MED26: variants seen among roughly 807,000 people sequenced by gnomAD.
MED26 encodes the protein mediator complex subunit 26, also known as mediator of RNA polymerase II transcription subunit 26.
Under a neutral mutation model 43.7 loss-of-function variants are expected in MED26, and 7 were observed. The ratio of observed to expected loss-of-function variants is 0.16; its 90% confidence interval spans 0.09 to 0.30. MED26 has a LOEUF of 0.30. MED26 is among the 10% of genes least tolerant of loss of function. MED26 has a pLI of 1.00. For missense variants in MED26, 784 were observed against 840.6 expected (o/e 0.93, Z 0.83); for synonymous variants, 375 against 371.1 (o/e 1.01, Z -0.12).
chr19:16,608,696 C>G (rs1336410154), intron 1 of MED26, among the ~76,000 whole-genome samples: 1 of 152,310 alleles, frequency 6.6e-6, no homozygotes, highest in South Asian at 2.1e-4. Flanking sequence ...TTTACTGGAA[C>G]ACAGTCACGC....
chr19:16,605,123 T>C (rs1466395930), intron 1 of MED26, among the ~76,000 whole-genome samples: 1 of 152,168 alleles, frequency 6.6e-6, no homozygotes, highest in Non-Finnish European at 1.5e-5. Flanking sequence ...GTATACGAAT[T>C]TGTCAAAAAT....
At chr19:16,601,776 G>C (rs759913988) in intron 1 of MED26, among the ~76,000 whole-genome samples, 1 of 152,240 alleles carries the variant, frequency 6.6e-6, no homozygotes, top group Non-Finnish European at 1.5e-5. Context: ...AGACAAGGTG[G>C]GGACACCTCC....
chr19:16,582,308 G>C (rs947018159), intron 1 of MED26, among the ~76,000 whole-genome samples: 1 of 152,218 alleles, frequency 6.6e-6, no homozygotes, highest in Non-Finnish European at 1.5e-5. Context: ...TCCAGACACA[G>C]GCCTCCCAGG....
chr19:16,575,936 G>C lies in MED26; in HGVS notation c.*91C>G. ...CGGACTCCCCGAGTTCCCAGCGCAG[G>C]AGGCAGCTGGGCCCCGGCCACCTGC... On this transcript the variant is annotated 3_prime_UTR_variant, in exon 3 of 3. Coordinates refer to ENST00000263390, the MANE Select transcript of MED26 (RefSeq NM_004831.5). 1 of 1,237,600 alleles carries C rather than the reference G, an allele frequency of 8.1e-7. No homozygotes were observed. The allele number at this position is 1,237,600 out of a possible 1,614,324, so 76.7% of individuals were successfully genotyped here.
intron 1 of MED26, among the ~76,000 whole-genome samples, chr19:16,616,448 C>G (rs1184212294): frequency 6.6e-6 from 1 of 152,148 alleles, no homozygotes; most frequent in Non-Finnish European, 1.5e-5. Flanking sequence ...TCAAACATCC[C>G]TATCTGTTTT....
chr19:16,595,238 T>C (rs1294459656), intron 1 of MED26, among the ~76,000 whole-genome samples: 4 of 152,162 alleles, frequency 2.6e-5, no homozygotes, highest in Non-Finnish European at 5.9e-5. Context: ...ACCCAACTCG[T>C]GACACGTGCG....
Position 16,577,293 on chromosome 19 carries a change from G to A in MED26, c.537C>T (p.Pro179=). 3 of 1,611,838 alleles carry A rather than the reference G, an allele frequency of 1.9e-6. No homozygotes were observed. Among genetic ancestry groups the A allele is most frequent in the Non-Finnish European group, 2.5e-6 (3 of 1,178,838 alleles). Reference sequence around the variant, plus strand: ...TCCCACTGATCCCGTTGGTGGGGAGGGGGGATGAGTTGGGGACCAGGGGGT... The same window carrying A: ...TCCCACTGATCCCGTTGGTGGGGAGAGGGGATGAGTTGGGGACCAGGGGGT... ...SHDPLVPNSS[P]LPTNGISGSP... is the part of the protein sequence containing the mutation. The change falls in exon 3 of 3, where the codon CCC becomes CCT. Residue 179 remains proline, a synonymous_variant. Coordinates refer to ENST00000263390, the MANE Select transcript of MED26 (RefSeq NM_004831.5). The surrounding 1 kb of genome is among the most constrained non-coding windows in gnomAD (Gnocchi z 8.1).
At chr19:16,609,311 C>CAAAAA (rs777358965) in intron 1 of MED26, among the ~76,000 whole-genome samples, 4 of 25,064 alleles carry the variant, frequency 1.6e-4, no homozygotes, top group Admixed American at 3.7e-4. Context: ...GACTCCGTCT[C>CAAAAA]AAAAAAAAAA....
chr19:16,594,525 C>A (rs1474266486), intron 1 of MED26, among the ~76,000 whole-genome samples: 1 of 152,192 alleles, frequency 6.6e-6, no homozygotes, highest in Non-Finnish European at 1.5e-5. Flanking sequence ...GCTCCCTTGT[C>A]ATGACATGTC....
At chr19:16,602,703 G>A (rs1053540280) in intron 1 of MED26, among the ~76,000 whole-genome samples, 1 of 152,200 alleles carries the variant, frequency 6.6e-6, no homozygotes, top group Non-Finnish European at 1.5e-5. Flanking sequence ...CAACAACACA[G>A]ATGAAGACTG....
intron 1 of MED26, among the ~76,000 whole-genome samples, chr19:16,582,425 G>A (rs1568280625): frequency 1.3e-5 from 2 of 152,328 alleles, no homozygotes; most frequent in Non-Finnish European, 1.5e-5. Context: ...CTTTATAGAT[G>A]GCCACAGTCT....
At chr19:16,621,233 G>A (rs2086250270) in intron 1 of MED26, among the ~76,000 whole-genome samples, 1 of 152,176 alleles carries the variant, frequency 6.6e-6, no homozygotes, top group Non-Finnish European at 1.5e-5. Flanking sequence ...TGCAATACCA[G>A]ACAAATCGGT....
At position 16,586,590 on chromosome 19, in the gene MED26, C is replaced by T. The variant is rs2086071741; in HGVS notation, c.73-8181G>A. On this transcript the variant is annotated intron_variant, in intron 1 of 2. Coordinates refer to ENST00000263390, the MANE Select transcript of MED26 (RefSeq NM_004831.5). This position sits in a 1 kb window ranked among gnomAD's most constrained non-coding sequence, Gnocchi z 5.1. The stretch of plus-strand genomic sequence containing the variant: ...CCCCAGGATGCCTGAGAGGCAGGAC[C>T]AGGGTGACCCAGGCATGCACGGGCC... Among the ~76,000 whole-genome samples the T allele has an allele frequency of 6.6e-6, 1 of 152,248 alleles. No homozygotes were observed. Among genetic ancestry groups the T allele is most frequent in the Non-Finnish European group, 1.5e-5 (1 of 68,034 alleles).
In MED26 at chr19:16,577,235, T is replaced by C. The variant is rs772258425; in HGVS notation, c.595A>G (p.Ser199Gly). The C allele has an allele frequency of 6.2e-7, 1 of 1,613,102 alleles. No homozygotes were observed. The highest frequency in any genetic ancestry group is 2.2e-5 in the East Asian group (1 of 44,848). The change falls in exon 3 of 3, where the codon AGT becomes GGT. Residue 199 changes from serine to glycine, a missense_variant. Ser to Gly is a moderately conservative substitution (Grantham distance 56, BLOSUM62 0). This residue lies in a region of MED26 where 719 missense variants were observed against 730.9 expected (regional missense o/e 0.98). Coordinates refer to ENST00000263390, the MANE Select transcript of MED26 (RefSeq NM_004831.5). The surrounding 1 kb of genome is among the most constrained non-coding windows in gnomAD (Gnocchi z 8.1). ...CTGCCCTCTGGGCCTGCATGCCCAC[T>C]GCCATCCAGGGAGCTGGCGAAGCTC... ...PESFASSLDG[S>G]GHAGPEGSRL...
rs754859528 is a variant in MED26, at chr19:16,577,299, T to A, written c.531A>T (p.Ser177=). Residue 177 remains serine (S), a synonymous_variant, in exon 3 of 3, where the codon TCA becomes TCT. Transcript: ENST00000263390. This position sits in a 1 kb window ranked among gnomAD's most constrained non-coding sequence, Gnocchi z 8.1. ...TGATCCCGTTGGTGGGGAGGGGGGA[T>A]GAGTTGGGGACCAGGGGGTCGTGGC... ...KASHDPLVPN[S]SPLPTNGISG... is the part of the protein sequence containing the mutation. 2 of 1,610,882 alleles carry A rather than the reference T, an allele frequency of 1.2e-6. No individual in the cohort carries two copies. Among genetic ancestry groups the A allele is most frequent in the Non-Finnish European group, 1.7e-6 (2 of 1,178,352 alleles).
chr19:16,619,331 T>C (rs1333617259), intron 1 of MED26, among the ~76,000 whole-genome samples: 2 of 151,676 alleles, frequency 1.3e-5, no homozygotes, highest in Non-Finnish European at 2.9e-5. Context: ...CTATAAAGGG[T>C]TCTGGAGGGC....
chr19:16,599,129 G>A (rs1209919808), intron 1 of MED26, among the ~76,000 whole-genome samples: 1 of 152,148 alleles, frequency 6.6e-6, no homozygotes, highest in Non-Finnish European at 1.5e-5. Flanking sequence ...AGATGCCATC[G>A]AATCATTTTG....
At position 16,577,212 on chromosome 19, in the gene MED26, G is replaced by A. The variant is rs2086012928; in HGVS notation, c.618C>T (p.Gly206=). 6.2e-7 allele frequency: 1 copy of A among 1,613,126 alleles called. No individual in the cohort carries two copies. The highest frequency in any genetic ancestry group is 8.5e-7 in the Non-Finnish European group (1 of 1,179,926). ...CATTCTCGTCACGCTCCAGGCGGCT[G>A]CCCTCTGGGCCTGCATGCCCACTGC... ...LDGSGHAGPE[G]SRLERDENDK... Residue 206 remains glycine, a synonymous_variant, in exon 3 of 3, where the codon GGC becomes GGT. Transcript: ENST00000263390. This position sits in a 1 kb window ranked among gnomAD's most constrained non-coding sequence, Gnocchi z 8.1.
chr19:16,578,303 C>T (rs776607363), intron 2 of MED26, 32 bp downstream of exon 2: 1 of 1,599,598 alleles, frequency 6.3e-7, no homozygotes, highest in Non-Finnish European at 8.6e-7. Flanking sequence ...CCCCGTTCTG[C>T]CCTCCCAAAT....
Sources: allele counts gnomAD v4.1 joint callset (sites outside exome capture counted in the v4.1 genomes callset), GRCh38; gene constraint gnomAD v4.1.1; regional missense constraint gnomAD v4.1.1; non-coding constraint Gnocchi (gnomAD v3.1); transcripts MANE v1.5; gene names NCBI Gene and HGNC (gene_info 2026-07-23, HGNC 2026-07-21).